The following CTNNA3 variants were observed in gnomAD, a reference collection of about 807,000 sequenced individuals.
CTNNA3 encodes catenin alpha-3.
CTNNA3 carries 76 observed loss-of-function variants against 95.7 expected under a neutral mutation model. The observed-to-expected ratio is 0.79, with a 90% CI of 0.66 to 0.96. The LOEUF (loss-of-function observed/expected upper bound fraction) is 0.96, where lower values mean the gene tolerates loss of function less well. CTNNA3 is among the 40% of genes least tolerant of loss of function. CTNNA3 has a pLI of 0.00. For missense variants in CTNNA3, 1,191 were observed against 1,089.8 expected (o/e 1.09, Z -1.31); for synonymous variants, 431 against 374.4 (o/e 1.15, Z -1.74).
At chr10:67,070,222 T>G (rs1434087262) in intron 7 of CTNNA3, among the ~76,000 whole-genome samples, 1 of 152,198 alleles carries the variant, frequency 6.6e-6, no homozygotes, top group Non-Finnish European at 1.5e-5. Flanking sequence ...TGTTCAAGAC[T>G]TTTACTCACT....
intron 7 of CTNNA3, among the ~76,000 whole-genome samples, chr10:66,858,503 T>C (rs1012783653): frequency 2.6e-5 from 4 of 152,048 alleles, no homozygotes; most frequent in Non-Finnish European, 5.9e-5. Flanking sequence ...ATACAGTGGG[T>C]ACAATTCCGC....
intron 7 of CTNNA3, among the ~76,000 whole-genome samples, chr10:66,867,840 C>A (rs1589356663): frequency 6.7e-6 from 1 of 150,236 alleles, no homozygotes; most frequent in East Asian, 2.0e-4. Context: ...TCATTCTCTT[C>A]ACGTGTCTGC....
At chr10:65,974,925 T>C (rs538289272) in intron 16 of CTNNA3, among the ~76,000 whole-genome samples, 1 of 152,316 alleles carries the variant, frequency 6.6e-6, no homozygotes, top group South Asian at 2.1e-4. Flanking sequence ...AAGCTTTTAT[T>C]CTAATGACCT....
At chr10:67,686,923 C>T (rs574454594) in intron 1 of CTNNA3, among the ~76,000 whole-genome samples, 1 of 152,142 alleles carries the variant, frequency 6.6e-6, no homozygotes, top group African/African-American at 2.4e-5. Context: ...AAATGGGTAA[C>T]TTGTTCCCCA....
At chr10:67,056,098 T>C (rs917956640) in intron 7 of CTNNA3, among the ~76,000 whole-genome samples, 3 of 152,144 alleles carry the variant, frequency 2.0e-5, no homozygotes, top group Non-Finnish European at 4.4e-5. Flanking sequence ...CACGTTTTTA[T>C]GTCCTCTGAG....
intron 13 of CTNNA3, among the ~76,000 whole-genome samples, chr10:66,202,719 A>C (rs2087510881): frequency 6.6e-6 from 1 of 152,106 alleles, no homozygotes; most frequent in African/African-American, 2.4e-5. Context: ...TTTGTCTGGC[A>C]ATATTTTCAT....
intron 7 of CTNNA3, among the ~76,000 whole-genome samples, chr10:66,907,087 TATTG>T (rs1846019923): frequency 6.6e-6 from 1 of 152,224 alleles, no homozygotes; most frequent in Non-Finnish European, 1.5e-5. Flanking sequence ...TAATTTAAGC[TATTG>T]ATTCTTTCAA....
At chr10:66,493,638 G>C (rs141203797) in intron 11 of CTNNA3, among the ~76,000 whole-genome samples, 1 of 121,470 alleles carries the variant, frequency 8.2e-6, no homozygotes, top group Non-Finnish European at 1.6e-5. Flanking sequence ...GTCTCGCTCT[G>C]TCGCTCAGGC....
intron 1 of CTNNA3, among the ~76,000 whole-genome samples, chr10:67,665,181 C>T (rs1486382592): frequency 2.0e-5 from 3 of 151,982 alleles, no homozygotes; most frequent in East Asian, 3.9e-4. Context: ...TTTTTAAAAC[C>T]ACTAATAAAC....
At chr10:67,691,162 G>A (rs944929871) in intron 1 of CTNNA3, among the ~76,000 whole-genome samples, 3 of 152,210 alleles carry the variant, frequency 2.0e-5, no homozygotes, top group Non-Finnish European at 2.9e-5. Flanking sequence ...CCAAGGTGCT[G>A]GGATTGCAGA....
intron 5 of CTNNA3, among the ~76,000 whole-genome samples, chr10:67,431,977 C>T (rs1846124803): frequency 6.6e-6 from 1 of 151,902 alleles, no homozygotes; most frequent in Non-Finnish European, 1.5e-5. Flanking sequence ...TGAACTCCAC[C>T]TTCTCCTCCA....
chr10:66,331,084 T>G (rs971137592), intron 12 of CTNNA3, among the ~76,000 whole-genome samples: 3 of 152,050 alleles, frequency 2.0e-5, no homozygotes, highest in Non-Finnish European at 4.4e-5. Flanking sequence ...AGATCCCATT[T>G]GTCAATTTTG....
chr10:67,004,444 C>T (rs1197696016), intron 7 of CTNNA3, among the ~76,000 whole-genome samples: 1 of 152,196 alleles, frequency 6.6e-6, no homozygotes, highest in Admixed American at 6.5e-5. Context: ...AGCCCCATGG[C>T]ATGGTGTCTG....
chr10:67,349,753 T>C (rs901495138), intron 5 of CTNNA3, among the ~76,000 whole-genome samples: 2 of 152,114 alleles, frequency 1.3e-5, no homozygotes, highest in Admixed American at 6.6e-5. Flanking sequence ...CAAAGAAGCA[T>C]GCTGTAATGG....
intron 5 of CTNNA3, among the ~76,000 whole-genome samples, chr10:67,477,708 T>C (rs1417517530): frequency 6.6e-6 from 1 of 152,010 alleles, no homozygotes; most frequent in Non-Finnish European, 1.5e-5. Context: ...AAGAAAATAA[T>C]TACAAAAATT....
chr10:66,866,475 GTAAT>G (rs1358445514), intron 7 of CTNNA3, among the ~76,000 whole-genome samples: 6 of 152,182 alleles, frequency 3.9e-5, no homozygotes, highest in Non-Finnish European at 7.3e-5. Flanking sequence ...ACAAAAATAA[GTAAT>G]TGTCTCCTCA....
intron 5 of CTNNA3, among the ~76,000 whole-genome samples, chr10:67,302,728 C>T (rs934543923): frequency 1.3e-5 from 2 of 152,130 alleles, no homozygotes; most frequent in African/African-American, 2.4e-5. Context: ...CATTTTCTTC[C>T]GCTGTACACT....
Position 67,326,159 on chromosome 10 carries a change from T to A in CTNNA3, c.580-106289A>T, listed in dbSNP as rs548126334. Among the ~76,000 whole-genome samples the A allele has an allele frequency of 2.0e-5, 3 of 152,294 alleles. No homozygotes were observed. The East Asian group carries it at 5.8e-4, about 29-fold the overall frequency. ...TGGGTCTCTTGAAGACAGCATACTA[T>A]GATTTTTGGTTCTTTATCTAACTTG... On this transcript the variant is annotated intron_variant, in intron 5 of 17. Coordinates refer to ENST00000433211, the MANE Select transcript of CTNNA3 (RefSeq NM_013266.4).
chr10:66,221,748 A>T (rs2088941011), intron 13 of CTNNA3, among the ~76,000 whole-genome samples: 1 of 152,236 alleles, frequency 6.6e-6, no homozygotes, highest in African/African-American at 2.4e-5. Flanking sequence ...AGCTGTAGTT[A>T]AAAGCAAGTA....
Sources: allele counts gnomAD v4.1 joint callset (sites outside exome capture counted in the v4.1 genomes callset), GRCh38; gene constraint gnomAD v4.1.1; transcripts MANE v1.5; gene names NCBI Gene and HGNC (gene_info 2026-07-23, HGNC 2026-07-21).